The following PRORP variants were observed in gnomAD, a reference collection of about 807,000 sequenced individuals.
PRORP encodes the protein mitochondrial ribonuclease P catalytic subunit.
In PRORP, 51 loss-of-function variants were observed where a neutral mutation model predicts 59.4. That is an observed-to-expected ratio of 0.86 (90% CI 0.69 to 1.08). The LOEUF (loss-of-function observed/expected upper bound fraction) is 1.08. Among genes scored for constraint, PRORP ranks in the 50% least tolerant of loss-of-function variants. The pLI is 0.00. For synonymous variants in PRORP, 231 were observed against 245.6 expected, an observed-to-expected ratio of 0.94 and a Z score of 0.55; for missense variants, 646 against 690.3, an observed-to-expected ratio of 0.94 and a Z score of 0.72.
chr14:35,206,537 C>T (rs1393192562), intron 5 of PRORP, among the ~76,000 whole-genome samples: 1 of 152,204 alleles, frequency 6.6e-6, no homozygotes, highest in Non-Finnish European at 1.5e-5. Flanking sequence ...TCCCACCAAC[C>T]AGACCCAGGT....
chr14:35,129,168 A>G (rs1322619919), intron 4 of PRORP, among the ~76,000 whole-genome samples: 2 of 152,026 alleles, frequency 1.3e-5, no homozygotes, highest in South Asian at 4.1e-4. Context: ...AGATCACGCC[A>G]TTGCACTCCA....
At chr14:35,271,195 G>C (rs185325305) in intron 7 of PRORP, among the ~76,000 whole-genome samples, 2 of 108,634 alleles carry the variant, frequency 1.8e-5, no homozygotes, top group Admixed American at 2.5e-4. Flanking sequence ...ATCTCACTCT[G>C]TCGCCCAGGC....
chr14:35,254,753 T>C (rs1241108579), intron 5 of PRORP, among the ~76,000 whole-genome samples: 1 of 152,178 alleles, frequency 6.6e-6, no homozygotes. Context: ...AAAGACTTTA[T>C]ACAACTTATA....
At chr14:35,202,065 G>C (rs934912533) in intron 5 of PRORP, among the ~76,000 whole-genome samples, 2 of 151,448 alleles carry the variant, frequency 1.3e-5, no homozygotes, top group African/African-American at 4.9e-5. Context: ...CACCTCCCAG[G>C]TTCACGCCAT....
intron 4 of PRORP, among the ~76,000 whole-genome samples, chr14:35,136,377 T>C (rs1382758567): frequency 2.0e-5 from 3 of 151,914 alleles, no homozygotes; most frequent in African/African-American, 7.2e-5. Context: ...TTTTTGTTTT[T>C]TTGGTTTTTT....
intron 4 of PRORP, among the ~76,000 whole-genome samples, chr14:35,132,097 C>T (rs1316599115): frequency 3.3e-5 from 5 of 151,950 alleles, no homozygotes; most frequent in Non-Finnish European, 5.9e-5. Context: ...CCTCGGCCTC[C>T]GAAAGTGCTG....
chr14:35,167,295 GT>G (rs1354234001), intron 4 of PRORP, among the ~76,000 whole-genome samples: 10 of 152,150 alleles, frequency 6.6e-5, no homozygotes, highest in African/African-American at 2.4e-4. Flanking sequence ...GACCATCACT[GT>G]TTTTTCTGTT....
intron 5 of PRORP, among the ~76,000 whole-genome samples, chr14:35,183,915 C>A (rs1264631612): frequency 6.6e-6 from 1 of 152,098 alleles, no homozygotes; most frequent in African/African-American, 2.4e-5. Flanking sequence ...TTTCTGTCTT[C>A]CTTATCTTTC....
chr14:35,215,853 A>C lies in PRORP; in HGVS notation c.1275+35076A>C, dbSNP rs562419227. On this transcript the variant is annotated intron_variant, in intron 5 of 7. Coordinates refer to ENST00000534898, the MANE Select transcript of PRORP (RefSeq NM_014672.4). ...ATGATCTCGGCTCACCACAGCCTCC[A>C]CCTCCTGGGTTCAAGCAATTCTCCT... Among the ~76,000 whole-genome samples the C allele has an allele frequency of 1.0e-4, 15 of 149,948 alleles. No homozygotes were observed. In the Middle Eastern group the frequency reaches 0.01, roughly 104 times the overall value.
rs10144644 is a variant in PRORP, at chr14:35,126,502, G to T, written c.987-233G>T. ...AGCCGCTTTTGGTAGACTTGAAGAT[G>T]AGAGTTATTTGTTGGGAGGAGAACC... On this transcript the variant is annotated intron_variant, in intron 2 of 7. Transcript: ENST00000534898. 6.7e-3 allele frequency among the ~76,000 whole-genome samples: 1,015 copies of T among 152,288 alleles called. 14 individuals are homozygous for T. Among genetic ancestry groups the T allele is most frequent in the African/African-American group, 0.023 (965 of 41,560 alleles).
rs1566438655 is a variant in PRORP, at chr14:35,123,908, C to T, written c.663C>T (p.Ile221=). 1.2e-6 allele frequency: 2 copies of T among 1,614,072 alleles called. No homozygotes were observed. The highest frequency in any genetic ancestry group is 1.7e-6 in the Non-Finnish European group (2 of 1,180,000). Residue 221 remains isoleucine, a synonymous_variant, in exon 2 of 8, where the codon ATC becomes ATT. Coordinates refer to ENST00000534898, the MANE Select transcript of PRORP (RefSeq NM_014672.4). ...ACAGTCTTCTCATCCGGGGATTGAT[C>T]CATTCAGACAGATGGAGAGAAGCAT... ...RGYSLLIRGL[I]HSDRWREALL... is the part of the protein sequence containing the mutation.
At chr14:35,210,005 C>A (rs1048737630) in intron 5 of PRORP, among the ~76,000 whole-genome samples, 2 of 152,084 alleles carry the variant, frequency 1.3e-5, no homozygotes, top group African/African-American at 4.8e-5. Context: ...CTTTAAGTTT[C>A]TCTTATCAAA....
At chr14:35,201,813 A>G (rs2049159152) in intron 5 of PRORP, among the ~76,000 whole-genome samples, 1 of 151,440 alleles carries the variant, frequency 6.6e-6, no homozygotes, top group African/African-American at 2.4e-5. Context: ...GTGCACCACC[A>G]CATCTGGCTA....
chr14:35,270,279 CA>C, intron 6 of PRORP, 121 bp from the exon 7 acceptor site: 1 of 836,800 alleles, frequency 1.2e-6, no homozygotes, highest in Non-Finnish European at 1.9e-6. Context: ...GTATTACTAG[CA>C]TCATGTTGGT....
intron 5 of PRORP, among the ~76,000 whole-genome samples, chr14:35,182,539 G>A (rs966895976): frequency 1.3e-5 from 2 of 152,144 alleles, no homozygotes; most frequent in Admixed American, 6.6e-5. Flanking sequence ...CAGCTAGTTG[G>A]GAGGCTGAGT....
chr14:35,260,707 C>G (rs979410643), intron 5 of PRORP, among the ~76,000 whole-genome samples: 1 of 152,234 alleles, frequency 6.6e-6, no homozygotes, highest in African/African-American at 2.4e-5. Context: ...GATTAACTGT[C>G]TTTGTTCTGC....
chr14:35,159,677 A>G (rs1272413569), intron 4 of PRORP, among the ~76,000 whole-genome samples: 1 of 152,194 alleles, frequency 6.6e-6, no homozygotes, highest in Non-Finnish European at 1.5e-5. Flanking sequence ...TACATTTATT[A>G]TGTCATAGCT....
At chr14:35,245,483 A>T (rs1301888045) in intron 5 of PRORP, among the ~76,000 whole-genome samples, 2 of 152,080 alleles carry the variant, frequency 1.3e-5, no homozygotes, top group African/African-American at 2.4e-5. Flanking sequence ...ATCTCTACTA[A>T]AAATACAAAA....
At position 35,266,421 on chromosome 14, in the gene PRORP, G is replaced by A. The variant is rs149338831; in HGVS notation, c.1276-306G>A. Among the ~76,000 whole-genome samples the A allele has an allele frequency of 2.9e-3, 448 of 152,236 alleles. 16 individuals carry two copies. The East Asian group carries it at 0.08, about 27-fold the overall frequency. On this transcript the variant is annotated intron_variant, in intron 5 of 7. Coordinates refer to ENST00000534898, the MANE Select transcript of PRORP (RefSeq NM_014672.4). ...TGCTTGAGCCCAGGAATTCAAGGCTGCAGTGAGCTATGATTGCACCTGTGC... is the reference window on the plus strand; with the variant it reads ...TGCTTGAGCCCAGGAATTCAAGGCTACAGTGAGCTATGATTGCACCTGTGC...
Sources: allele counts gnomAD v4.1 joint callset (sites outside exome capture counted in the v4.1 genomes callset), GRCh38; gene constraint gnomAD v4.1.1; transcripts MANE v1.5; gene names NCBI Gene and HGNC (gene_info 2026-07-23, HGNC 2026-07-21).